The following ADARB2 variants were observed in gnomAD, a reference collection of about 807,000 sequenced individuals.
The protein encoded by ADARB2 is adenosine deaminase RNA specific B2 (inactive).
A neutral mutation model predicts 62.2 loss-of-function variants in ADARB2; 25 were observed. That is an observed-to-expected ratio of 0.40 (90% confidence interval 0.29 to 0.56). The LOEUF is 0.56. ADARB2 is among the 20% of genes least tolerant of loss of function. The pLI, the probability that ADARB2 is intolerant of heterozygous loss-of-function variation, is 0.43. For missense variants in ADARB2, 1,071 were observed against 1,077.4 expected (o/e 0.99, Z 0.08); for synonymous variants, 572 against 500.8 (o/e 1.14, Z -1.90).
At chr10:1,675,161 A>T (rs79994790) in intron 1 of ADARB2, 29 of 930,246 alleles carry the variant, frequency 3.1e-5, no homozygotes, top group East Asian at 3.0e-4. Flanking sequence ...GATGCATGGA[A>T]GTTCTGGAGG....
chr10:1,529,991 G>A, intron 1 of ADARB2, among the ~76,000 whole-genome samples: 1 of 151,594 alleles, frequency 6.6e-6, no homozygotes, highest in South Asian at 2.1e-4. Flanking sequence ...TGCCACTGTG[G>A]GCACCCGTCA....
chr10:1,481,169 A>G (rs1273905093), intron 1 of ADARB2, among the ~76,000 whole-genome samples: 2 of 152,258 alleles, frequency 1.3e-5, no homozygotes, highest in African/African-American at 2.4e-5. Context: ...TTGCATATGT[A>G]GTCAAATGAA....
intron 3 of ADARB2, among the ~76,000 whole-genome samples, chr10:1,317,754 G>GGC (rs1554753966): frequency 8.2e-5 from 12 of 146,920 alleles, no homozygotes; most frequent in African/African-American, 2.5e-4. Flanking sequence ...GGTAGGCCTG[G>GGC]GGGGGGGTGG....
At chr10:1,515,406 G>A (rs1254368697) in intron 1 of ADARB2, among the ~76,000 whole-genome samples, 1 of 152,210 alleles carries the variant, frequency 6.6e-6, no homozygotes, top group Non-Finnish European at 1.5e-5. Flanking sequence ...CCTGGCTGCC[G>A]CCGTGACCCA....
At chr10:1,695,984 CATGCATGTGTGTGGGGT>C (rs373352299) in intron 1 of ADARB2, among the ~76,000 whole-genome samples, 4,634 of 152,036 alleles carry the variant, frequency 0.03, 234 homozygotes, top group African/African-American at 0.11. Context: ...AGAATATGTG[CATGCATGTGTGTGGGGT>C]GTGCCTGTGT....
intron 1 of ADARB2, among the ~76,000 whole-genome samples, chr10:1,506,086 CTG>C (rs143677201): frequency 0.02 from 3,037 of 152,108 alleles, 105 homozygotes; most frequent in African/African-American, 0.068. Flanking sequence ...GTGCATGTGA[CTG>C]TGTCTTTGGG....
intron 1 of ADARB2, among the ~76,000 whole-genome samples, chr10:1,574,476 A>T (rs1832983769): frequency 6.6e-6 from 1 of 151,996 alleles, no homozygotes. Context: ...CAGAGAACAG[A>T]CACTCCTGTT....
At chr10:1,190,453 A>G (rs1162295148) in intron 8 of ADARB2, among the ~76,000 whole-genome samples, 1 of 152,222 alleles carries the variant, frequency 6.6e-6, no homozygotes, top group Non-Finnish European at 1.5e-5. Context: ...AGAAAATTGT[A>G]CTTTTGTAGG....
intron 1 of ADARB2, among the ~76,000 whole-genome samples, chr10:1,725,557 A>C (rs1835153152): frequency 6.6e-6 from 1 of 152,128 alleles, no homozygotes; most frequent in East Asian, 1.9e-4. Flanking sequence ...ACCCTGAAGC[A>C]GGGAAAGCCC....
At chr10:1,645,687 T>C (rs533791452) in intron 1 of ADARB2, among the ~76,000 whole-genome samples, 1 of 152,254 alleles carries the variant, frequency 6.6e-6, no homozygotes, top group African/African-American at 2.4e-5. Context: ...AGTCCATCCC[T>C]GGCACTTGAC....
intron 1 of ADARB2, among the ~76,000 whole-genome samples, chr10:1,399,525 C>T (rs1435550717): frequency 6.6e-6 from 1 of 152,088 alleles, no homozygotes; most frequent in Non-Finnish European, 1.5e-5. Context: ...TAGCAGGGTC[C>T]CCGGCCTGGT....
intron 1 of ADARB2, among the ~76,000 whole-genome samples, chr10:1,446,952 G>A (rs997744683): frequency 6.6e-6 from 1 of 152,154 alleles, no homozygotes; most frequent in Non-Finnish European, 1.5e-5. Context: ...TTGAATTATA[G>A]CGCTTGGGTT....
intron 1 of ADARB2, among the ~76,000 whole-genome samples, chr10:1,550,140 A>G (rs1173394963): frequency 6.6e-6 from 1 of 152,000 alleles, no homozygotes; most frequent in Admixed American, 6.6e-5. Flanking sequence ...TCCCCACACC[A>G]CAGCCCACAC....
chr10:1,426,672 C>T lies in ADARB2; in HGVS notation c.101-47512G>A, dbSNP rs937319346. ...TGGATGGAGCTGAGCTTCTGAGACT[C>T]GGAGACCAGTGAACCTGCTTGCCAC... On this transcript the variant is annotated intron_variant, in intron 1 of 9. Coordinates refer to ENST00000381312, the MANE Select transcript of ADARB2 (RefSeq NM_018702.4). The surrounding 1 kb of genome is among the most constrained non-coding windows in gnomAD (Gnocchi z 4.1). 1.3e-5 allele frequency among the ~76,000 whole-genome samples: 2 copies of T among 152,270 alleles called. No individual in the cohort carries two copies. Among genetic ancestry groups the T allele is most frequent in the East Asian group, 1.9e-4 (1 of 5,156 alleles).
chr10:1,419,528 C>T (rs980040250), intron 1 of ADARB2, among the ~76,000 whole-genome samples: 1 of 152,184 alleles, frequency 6.6e-6, no homozygotes, highest in Non-Finnish European at 1.5e-5. Context: ...AGCAAAACCA[C>T]GGGCCACTTT....
chr10:1,510,500 G>A (rs990436185), intron 1 of ADARB2, among the ~76,000 whole-genome samples: 13 of 152,132 alleles, frequency 8.5e-5, no homozygotes, highest in African/African-American at 2.9e-4. Flanking sequence ...ATTTCTGGCT[G>A]TTGTTTTCAA....
intron 1 of ADARB2, among the ~76,000 whole-genome samples, chr10:1,695,353 T>C (rs141967050): frequency 6.6e-6 from 1 of 152,300 alleles, no homozygotes; most frequent in East Asian, 1.9e-4. Context: ...TCAGCTGTTC[T>C]CAGCATTAAC....
chr10:1,185,382 A>T (rs1367896644), intron 8 of ADARB2, among the ~76,000 whole-genome samples: 2 of 152,212 alleles, frequency 1.3e-5, no homozygotes, highest in South Asian at 2.1e-4. Flanking sequence ...GTGATCTGAG[A>T]GTGTGTTTAT....
chr10:1,719,410 AC>A (rs1282162196), intron 1 of ADARB2, among the ~76,000 whole-genome samples: 3 of 152,238 alleles, frequency 2.0e-5, no homozygotes, highest in Non-Finnish European at 2.9e-5. Flanking sequence ...TTCAGAAAAA[AC>A]AATGCCTTCT....
Sources: gnomAD v4.1 joint callset for allele counts (sites outside exome capture counted in the v4.1 genomes callset) on GRCh38, gnomAD v4.1.1 for gene constraint, Gnocchi (gnomAD v3.1) non-coding constraint, MANE v1.5 for transcripts, NCBI Gene and HGNC (gene_info 2026-07-23, HGNC 2026-07-21) for gene names.